The following SEC31A variants were observed in gnomAD, a reference collection of about 807,000 sequenced individuals.
The protein encoded by SEC31A is SEC31 homolog A, COPII component.
Under a neutral mutation model 151.0 loss-of-function variants are expected in SEC31A, and 70 were observed. The observed-to-expected ratio is 0.46, with a 90% CI of 0.38 to 0.57. SEC31A has a LOEUF of 0.57. Ranked by LOEUF, SEC31A falls within the 20% of genes least tolerant of loss-of-function variation. SEC31A has a pLI of 0.00. For missense variants in SEC31A, 1,330 were observed against 1,471.2 expected (o/e 0.90, Z 1.57); for synonymous variants, 475 against 505.9 (o/e 0.94, Z 0.82).
intron 14 of SEC31A, among the ~76,000 whole-genome samples, chr4:82,860,569 G>A (rs1186596123): frequency 6.6e-6 from 1 of 151,944 alleles, no homozygotes; most frequent in African/African-American, 2.4e-5. Context: ...ACGAACTCTT[G>A]GGCTTAAGTG....
intron 22 of SEC31A, among the ~76,000 whole-genome samples, chr4:82,841,439 A>ATT (rs1491252928): frequency 4.3e-5 from 1 of 23,238 alleles, no homozygotes; most frequent in Non-Finnish European, 1.5e-4. Context: ...GAAAAAAAAA[A>ATT]TTTTATATAT....
upstream of SEC31A, among the ~76,000 whole-genome samples, chr4:82,891,463 C>T (rs887911541): frequency 6.6e-6 from 1 of 152,198 alleles, no homozygotes; most frequent in African/African-American, 2.4e-5. Flanking sequence ...CAGAGGGTGT[C>T]CCCGTCTGGC....
intron 2 of SEC31A, 48 bp from the exon 3 acceptor site, chr4:82,880,970 C>G: frequency 6.7e-7 from 1 of 1,493,248 alleles, no homozygotes; most frequent in Non-Finnish European, 9.2e-7. Context: ...AATAAAAGAT[C>G]AGAGAAACCA....
intron 22 of SEC31A, among the ~76,000 whole-genome samples, chr4:82,830,597 T>C (rs1232486101): frequency 1.3e-5 from 2 of 152,246 alleles, no homozygotes; most frequent in African/African-American, 4.8e-5. Context: ...TGCTTTCTGA[T>C]TAACAAATTC....
chr4:82,879,356 C>A (rs1738727614), intron 3 of SEC31A, among the ~76,000 whole-genome samples: 1 of 116,732 alleles, frequency 8.6e-6, no homozygotes, highest in African/African-American at 3.1e-5. Context: ...GGGTCTCATG[C>A]TTTGACCTTT....
Position 82,829,053 on chromosome 4 carries a change from G to A in SEC31A, c.2974C>T (p.Gln992Ter). 1 of 1,612,446 alleles carries A rather than the reference G, an allele frequency of 6.2e-7. No homozygotes were observed. The highest frequency in any genetic ancestry group is 1.1e-5 in the South Asian group (1 of 91,026). The change falls in exon 23 of 27, where the codon CAG (glutamine) becomes TAG (stop). Residue 992 changes from glutamine (Q) to a stop codon, truncating the protein, a stop_gained. Transcript: ENST00000395310. LOFTEE classifies it high-confidence loss of function. ...GCTGGAGGGTCATTCCAACCATTCT[G>A]AGGACCTATAACAGATAACAGAGAA... ...ELPASQRTGP[Q>*]NGWNDPPALN...
At chr4:82,856,714 G>A (rs1399584853) in intron 16 of SEC31A, among the ~76,000 whole-genome samples, 5 of 152,018 alleles carry the variant, frequency 3.3e-5, no homozygotes, top group African/African-American at 7.2e-5. Flanking sequence ...TCACGCCACC[G>A]GACTCTAGCT....
chr4:82,871,375 T>C (rs902114350), intron 7 of SEC31A: 6 of 1,524,068 alleles, frequency 3.9e-6, no homozygotes, highest in Non-Finnish European at 5.3e-6. Flanking sequence ...TACCTATGGA[T>C]GGGCATGAAA....
chr4:82,857,125 C>T lies in SEC31A; in HGVS notation c.1708G>A (p.Asp570Asn). Residue 570 changes from aspartate (D) to asparagine (N), a missense_variant, in exon 16 of 27, where the codon GAT becomes AAT. Coordinates refer to ENST00000395310, the MANE Select transcript of SEC31A (RefSeq NM_001077207.4). The part of the protein sequence containing the change: ...TFNISVSGDI[D>N]GLITQALLTG... ...AGCAAAGCCTGAGTAATTAAACCAT[C>T]AATGTCTGCAACAAGAAAATAATAC... 6.2e-7 allele frequency: 1 copy of T among 1,608,476 alleles called. No homozygotes were observed.
chr4:82,826,354 C>CT (rs1553923916), intron 24 of SEC31A, among the ~76,000 whole-genome samples: 2 of 145,396 alleles, frequency 1.4e-5, no homozygotes, highest in Non-Finnish European at 3.1e-5. Context: ...CATATTATCT[C>CT]TTTTTGTTGT....
intron 1 of SEC31A, among the ~76,000 whole-genome samples, chr4:82,885,118 A>G (rs1353881863): frequency 6.6e-6 from 1 of 152,172 alleles, no homozygotes; most frequent in Non-Finnish European, 1.5e-5. Flanking sequence ...GTTTGCCTTT[A>G]CATGTATACT....
intron 22 of SEC31A, among the ~76,000 whole-genome samples, chr4:82,841,442 T>TTTTATATATATATATATATA (rs1281196101): frequency 1.6e-5 from 1 of 64,460 alleles, no homozygotes; most frequent in Non-Finnish European, 3.8e-5. Context: ...AAAAAAAATT[T>TTTTATATATATATATATATA]TATATATATA....
At chr4:82,866,733 A>C in intron 10 of SEC31A, 75 bp downstream of exon 10, 2 of 1,284,386 alleles carry the variant, frequency 1.6e-6, no homozygotes, top group Non-Finnish European at 2.1e-6. Flanking sequence ...TGCTTCCATC[A>C]GAGTGACTCT....
chr4:82,870,075 C>T (rs915321009), intron 8 of SEC31A, among the ~76,000 whole-genome samples: 5 of 152,080 alleles, frequency 3.3e-5, no homozygotes, highest in Non-Finnish European at 7.4e-5. Flanking sequence ...GTAATAAACA[C>T]ATTATTGGAA....
At position 82,857,342 on chromosome 4, in the gene SEC31A, AT is replaced by A. The variant is rs1732888201; in HGVS notation, c.1703-213del. On this transcript the variant is annotated intron_variant, in intron 15 of 26. Coordinates refer to ENST00000395310, the MANE Select transcript of SEC31A (RefSeq NM_001077207.4). ...TGCTGAGATAAATACAAAATAATAC[AT>A]TTTCCAGATGCTTTAACTGGATTAT... Among the ~76,000 whole-genome samples the A allele has an allele frequency of 3.9e-5, 3 of 77,458 alleles. No individual in the cohort carries two copies. In the South Asian group the frequency reaches 1.3e-3, roughly 33 times the overall value. 50.8% of individuals were successfully genotyped at this position (77,458 alleles called of 152,430 possible).
chr4:82,890,993 A>C, intron 1 of SEC31A, 95 bp downstream of exon 1: 2 of 1,514,744 alleles, frequency 1.3e-6, no homozygotes, highest in Non-Finnish European at 1.8e-6. Flanking sequence ...GGTGCGGGGC[A>C]GCGGAGACCC....
intron 24 of SEC31A, among the ~76,000 whole-genome samples, 193 bp from the exon 25 acceptor site, chr4:82,824,867 C>G (rs1331644027): frequency 6.6e-6 from 1 of 152,120 alleles, no homozygotes; most frequent in Non-Finnish European, 1.5e-5. Flanking sequence ...AAAGTGTAGG[C>G]GCTCTTCCTA....
At chr4:82,881,669 G>A (rs931781472) in intron 2 of SEC31A, among the ~76,000 whole-genome samples, 189 bp downstream of exon 2, 2 of 152,152 alleles carry the variant, frequency 1.3e-5, no homozygotes, top group Non-Finnish European at 2.9e-5. Context: ...AAATATTTTA[G>A]ATGTAACACA....
At chr4:82,894,504 G>A (rs1453912272), upstream of SEC31A, 2 of 152,216 alleles carry the variant, frequency 1.3e-5, no homozygotes, top group African/African-American at 4.8e-5. Flanking sequence ...AGATGTCTAT[G>A]GTGTTGGCTG....
Sources: gnomAD v4.1 joint callset for allele counts (sites outside exome capture counted in the v4.1 genomes callset) on GRCh38, gnomAD v4.1.1 for gene constraint, MANE v1.5 for transcripts, NCBI Gene and HGNC (gene_info 2026-07-23, HGNC 2026-07-21) for gene names.